ABLIM1: variants seen among roughly 807,000 people sequenced by gnomAD.
ABLIM1 encodes actin-binding LIM protein 1.
A neutral mutation model predicts 107.0 loss-of-function variants in ABLIM1; 40 were observed. The ratio of observed to expected loss-of-function variants is 0.37; its 90% confidence interval spans 0.29 to 0.49. The LOEUF (loss-of-function observed/expected upper bound fraction) is 0.49. ABLIM1 is among the 20% of genes least tolerant of loss of function. The pLI is 0.97. For missense variants in ABLIM1, 857 were observed against 1,008.5 expected (o/e 0.85, Z 2.04); for synonymous variants, 357 against 357.3 (o/e 1.00, Z 0.01).
At chr10:114,768,042 C>T in intron 1 of ABLIM1, 1 of 431,644 alleles carries the variant, frequency 2.3e-6, no homozygotes, top group Non-Finnish European at 4.6e-6. Context: ...TGGACGGTGC[C>T]CACCTGGTCC....
upstream of ABLIM1, among the ~76,000 whole-genome samples, chr10:114,663,095 C>G (rs1418881944): frequency 6.6e-6 from 1 of 152,184 alleles, no homozygotes; most frequent in Non-Finnish European, 1.5e-5. Context: ...TTCTCTATGC[C>G]CTCAACACAT....
chr10:114,759,664 T>C lies in ABLIM1; in HGVS notation c.-213+8397A>G, dbSNP rs574027792. On this transcript the variant is annotated intron_variant, in intron 1 of 15. Coordinates refer to the ABLIM1 transcript ENST00000651092. ...GGAAATAGGCAGCCTAAGATTTAAG[T>C]TTAAATTTTGAGGTAGATAATCTAC... is the stretch of plus-strand genomic sequence containing the variant. Among the ~76,000 whole-genome samples, 263 of 152,206 alleles carry C rather than the reference T, an allele frequency of 1.7e-3. 3 individuals are homozygous for C. Among genetic ancestry groups the C allele is most frequent in the Middle Eastern group, 3.4e-3 (1 of 294 alleles).
chr10:114,684,498 A>T, exon 1 of ABLIM1: 8 of 1,431,198 alleles, frequency 5.6e-6, no homozygotes, highest in Non-Finnish European at 7.3e-6. Context: ...GGGGTGTGCC[A>T]CCGGTGGGTG....
At chr10:114,648,638 A>T (rs2079105234) in intron 1 of ABLIM1, among the ~76,000 whole-genome samples, 1 of 152,222 alleles carries the variant, frequency 6.6e-6, no homozygotes, top group Admixed American at 6.5e-5. Flanking sequence ...TTCTACTAAA[A>T]TGCACAGGCT....
chr10:114,757,658 C>T (rs891536008), intron 1 of ABLIM1, among the ~76,000 whole-genome samples: 2 of 152,216 alleles, frequency 1.3e-5, no homozygotes, highest in South Asian at 4.1e-4. Flanking sequence ...TTGGTCCAAG[C>T]CACCATCTTC....
the ABLIM1 span, among the ~76,000 whole-genome samples, chr10:114,792,645 C>T: frequency 0.012 from 1,897 of 152,262 alleles, 44 homozygotes; most frequent in African/African-American, 0.043. Flanking sequence ...AGGTCTTGAT[C>T]CTCTTCTTCC....
chr10:114,478,153 A>AT (rs1354005183), intron 8 of ABLIM1, among the ~76,000 whole-genome samples: 1 of 152,090 alleles, frequency 6.6e-6, no homozygotes, highest in Non-Finnish European at 1.5e-5. Context: ...AACAATTTGA[A>AT]TTTTTTCAAG....
At position 114,439,199 on chromosome 10, in the gene ABLIM1, T is replaced by C. The variant is rs2059848443; in HGVS notation, c.2119A>G (p.Met707Val). ...PAMRMDRGVS[M>V]PNMLEPKIFP... ...GCCTTTGGTTCCAACATGTTGGGCA[T>C]AGACACTCCTCGGTCCATTCTCATT... The change falls in exon 21 of 23, where the codon ATG becomes GTG. Residue 707 changes from methionine to valine, a missense_variant. By Grantham distance (21) the Met-to-Val change is conservative (BLOSUM62 1). This residue lies in a region of ABLIM1 where 193 missense variants were observed against 208.5 expected (regional missense o/e 0.93). Transcript: ENST00000533213. 2.5e-6 allele frequency: 4 copies of C among 1,614,128 alleles called. No homozygotes were observed. The highest frequency in any genetic ancestry group is 1.7e-5 in the Admixed American group (1 of 60,010).
intron 8 of ABLIM1, among the ~76,000 whole-genome samples, chr10:114,483,666 T>C (rs1022446971): frequency 1.1e-4 from 17 of 152,194 alleles, no homozygotes; most frequent in Admixed American, 7.8e-4. Context: ...TTCTGTCTTT[T>C]CCATCGTGCA....
intron 10 of ABLIM1, among the ~76,000 whole-genome samples, chr10:114,468,501 T>C (rs1259026683): frequency 2.0e-5 from 3 of 152,084 alleles, no homozygotes; most frequent in Non-Finnish European, 4.4e-5. Flanking sequence ...GTCTCTATCT[T>C]CTGACCTCAT....
chr10:114,677,589 A>G (rs1488833735), intron 1 of ABLIM1, among the ~76,000 whole-genome samples: 2 of 152,112 alleles, frequency 1.3e-5, no homozygotes, highest in African/African-American at 4.8e-5. Flanking sequence ...CCTGGCCAAC[A>G]TGGTAAAACC....
intron 1 of ABLIM1, among the ~76,000 whole-genome samples, chr10:114,730,007 C>T (rs2082039580): frequency 6.6e-6 from 1 of 152,086 alleles, no homozygotes; most frequent in South Asian, 2.1e-4. Context: ...GGTTGTATTT[C>T]TTTTCTGAAA....
Position 114,654,363 on chromosome 10 carries a change from T to A in ABLIM1, c.244+3594A>T, listed in dbSNP as rs932006862. Among the ~76,000 whole-genome samples the A allele has an allele frequency of 8.5e-5, 13 of 152,378 alleles. No homozygotes were observed. The South Asian group carries it at 2.1e-3, about 24-fold the overall frequency. On this transcript the variant is annotated intron_variant, in intron 1 of 22. Transcript: ENST00000533213. Reference sequence around the variant, plus strand: ...TGTCAAAAATGACTAATGCTGACTATATTGCAATTCTATTATTATTACTGA... The same window carrying A: ...TGTCAAAAATGACTAATGCTGACTAAATTGCAATTCTATTATTATTACTGA...
At chr10:114,766,274 A>T (rs539735592) in intron 1 of ABLIM1, among the ~76,000 whole-genome samples, 1 of 152,336 alleles carries the variant, frequency 6.6e-6, no homozygotes, top group African/African-American at 2.4e-5. Flanking sequence ...ATTATTATAG[A>T]TATTTTTCCC....
At chr10:114,736,430 C>T (rs987352183) in intron 1 of ABLIM1, among the ~76,000 whole-genome samples, 10 of 152,086 alleles carry the variant, frequency 6.6e-5, no homozygotes, top group African/African-American at 1.7e-4. Flanking sequence ...AAAACAACAA[C>T]GCTAAGCTAC....
intron 6 of ABLIM1, among the ~76,000 whole-genome samples, chr10:114,532,412 T>C (rs145155608): frequency 3.9e-5 from 6 of 152,190 alleles, no homozygotes; most frequent in Non-Finnish European, 7.3e-5. Flanking sequence ...TCTGCTGGAA[T>C]TGGCATCATA....
At chr10:114,532,650 G>C (rs1214535830) in intron 6 of ABLIM1, among the ~76,000 whole-genome samples, 2 of 152,202 alleles carry the variant, frequency 1.3e-5, no homozygotes, top group African/African-American at 2.4e-5. Flanking sequence ...AAATTATTCT[G>C]CTGACCTTTG....
At chr10:114,735,034 T>C (rs1160237357) in intron 1 of ABLIM1, among the ~76,000 whole-genome samples, 1 of 152,206 alleles carries the variant, frequency 6.6e-6, no homozygotes, top group East Asian at 1.9e-4. Context: ...AAGTACAGCC[T>C]TGGAATTCTT....
intron 1 of ABLIM1, among the ~76,000 whole-genome samples, chr10:114,637,339 C>T (rs2078532318): frequency 6.6e-6 from 1 of 152,210 alleles, no homozygotes; most frequent in African/African-American, 2.4e-5. Flanking sequence ...GCTGGACATT[C>T]ACTGCAATCT....
Sources: allele counts gnomAD v4.1 joint callset (sites outside exome capture counted in the v4.1 genomes callset), GRCh38; gene constraint gnomAD v4.1.1; regional missense constraint gnomAD v4.1.1; transcripts MANE v1.5; gene names NCBI Gene and HGNC (gene_info 2026-07-23, HGNC 2026-07-21).